Variants in CA12 observed in about 807,000 individuals in gnomAD.
CA12 encodes the protein carbonic anhydrase 12, also known as carbonate dehydratase XII.
In CA12, 36 loss-of-function variants were observed where a neutral mutation model predicts 46.8. The ratio of observed to expected loss-of-function variants is 0.77; its 90% CI spans 0.59 to 1.02. CA12 has a LOEUF of 1.02. Ranked by LOEUF, CA12 falls within the 50% of genes least tolerant of loss-of-function variation. The probability of loss-of-function intolerance (pLI) is 0.00; values close to 1 mark genes in which losing one functional copy is unlikely to be tolerated. For synonymous variants in CA12, 202 were observed against 187.0 expected (o/e 1.08, Z -0.65); for missense variants, 436 against 451.4 (o/e 0.97, Z 0.31).
intron 8 of CA12, among the ~76,000 whole-genome samples, chr15:63,335,885 C>G (rs2038996951): frequency 6.6e-6 from 1 of 152,234 alleles, no homozygotes; most frequent in Non-Finnish European, 1.5e-5. Context: ...ATGCAGCCCC[C>G]TGGGCAGATG....
intron 2 of CA12, among the ~76,000 whole-genome samples, chr15:63,349,610 T>C (rs1480354177): frequency 1.3e-5 from 2 of 152,172 alleles, no homozygotes; most frequent in Non-Finnish European, 1.5e-5. Context: ...CAAGGCAGAA[T>C]TGCACCATTT....
intron 2 of CA12, among the ~76,000 whole-genome samples, chr15:63,362,274 T>C (rs1041132730): frequency 6.6e-6 from 1 of 152,210 alleles, no homozygotes; most frequent in African/African-American, 2.4e-5. Context: ...TGAATAACAA[T>C]GCTATGATAT....
intron 2 of CA12, among the ~76,000 whole-genome samples, chr15:63,350,634 C>T (rs1452574128): frequency 1.3e-5 from 2 of 152,096 alleles, no homozygotes; most frequent in South Asian, 2.1e-4. Flanking sequence ...ATTCCTGTTT[C>T]GAAAGGTAAC....
chr15:63,333,550 C>T (rs2152611936), intron 8 of CA12, among the ~76,000 whole-genome samples: 1 of 152,312 alleles, frequency 6.6e-6, no homozygotes, highest in East Asian at 1.9e-4. Context: ...CATTTGGATC[C>T]TTTGGGAGAA....
chr15:63,370,831 T>C (rs2039495146), intron 2 of CA12, among the ~76,000 whole-genome samples: 1 of 151,978 alleles, frequency 6.6e-6, no homozygotes, highest in Non-Finnish European at 1.5e-5. Flanking sequence ...CCGGCTCTCC[T>C]GAGAGTACTT....
intron 1 of CA12, among the ~76,000 whole-genome samples, chr15:63,376,749 C>T (rs1317676169): frequency 6.6e-6 from 1 of 151,672 alleles, no homozygotes; most frequent in Non-Finnish European, 1.5e-5. Context: ...CTCAAGCAAT[C>T]CTCCCACCTC....
In CA12 at chr15:63,327,068, C is replaced by A. The variant is rs2038876459; in HGVS notation, c.992+81G>T. 3 of 1,321,868 alleles carry A rather than the reference C, an allele frequency of 2.3e-6. No individual in the cohort carries two copies. The highest frequency in any genetic ancestry group is 2.3e-5 in the East Asian group (1 of 42,908). 81.9% of individuals were successfully genotyped at this position (1,321,868 alleles called of 1,614,324 possible). ...GTCCAGGTGACTGCGGCTCTTCATG[C>A]CACAAAGCTGCCTTCCCAGGCAGAC... is the stretch of plus-strand genomic sequence containing the variant. On this transcript the variant is annotated intron_variant, in intron 10 of 10. Transcript: ENST00000178638. The surrounding 1 kb of genome is among the most constrained non-coding windows in gnomAD (Gnocchi z 4.5).
intron 2 of CA12, 118 bp from the exon 3 acceptor site, chr15:63,346,827 G>T: frequency 9.4e-6 from 11 of 1,175,640 alleles, no homozygotes; most frequent in Non-Finnish European, 1.4e-5. Context: ...ATCCCCGGAG[G>T]TAAATCTTCA....
At chr15:63,360,729 A>T (rs1019436642) in intron 2 of CA12, among the ~76,000 whole-genome samples, 3 of 152,256 alleles carry the variant, frequency 2.0e-5, no homozygotes. Flanking sequence ...CTCCTCAGGC[A>T]AGCCTTTGCT....
chr15:63,365,597 A>T (rs903597706), intron 2 of CA12, among the ~76,000 whole-genome samples: 4 of 152,242 alleles, frequency 2.6e-5, no homozygotes, highest in African/African-American at 9.6e-5. Flanking sequence ...AGCCCAGCAG[A>T]GACGGGCTTT....
chr15:63,347,168 G>A (rs1033602283), intron 2 of CA12, among the ~76,000 whole-genome samples: 1 of 152,230 alleles, frequency 6.6e-6, no homozygotes, highest in Non-Finnish European at 1.5e-5. Context: ...GCCACCCCAG[G>A]TGGGAAAAAT....
At chr15:63,352,115 G>A (rs571758101) in intron 2 of CA12, among the ~76,000 whole-genome samples, 1 of 152,332 alleles carries the variant, frequency 6.6e-6, no homozygotes, top group African/African-American at 2.4e-5. Flanking sequence ...GAGTGCAGTG[G>A]TGCAATCTCA....
intron 2 of CA12, among the ~76,000 whole-genome samples, chr15:63,365,538 C>T (rs11631047): frequency 0.26 from 39,379 of 152,182 alleles, 6,020 homozygotes; most frequent in East Asian, 0.56. Context: ...TGCCTGGGGC[C>T]CACCTAAGCA....
chr15:63,375,312 G>A (rs1265016804), intron 2 of CA12: 1 of 225,416 alleles, frequency 4.4e-6, no homozygotes, highest in African/African-American at 2.3e-5. Flanking sequence ...GTCCTGCAAG[G>A]GAGAAAGGCT....
chr15:63,331,038 G>A lies in CA12; in HGVS notation c.875-2908C>T, dbSNP rs758449002. ...AGGAATGCCGGCGAGGGTGTCACCCGATAGTTCCACCACCTCAGGAAGCCC... is the reference window on the plus strand; with the variant it reads ...AGGAATGCCGGCGAGGGTGTCACCCAATAGTTCCACCACCTCAGGAAGCCC... On this transcript the variant is annotated intron_variant, in intron 8 of 10. Coordinates refer to ENST00000178638, the MANE Select transcript of CA12 (RefSeq NM_001218.5). The surrounding 1 kb of genome is among the most constrained non-coding windows in gnomAD (Gnocchi z 5.3). Among the ~76,000 whole-genome samples, 12 of 152,210 alleles carry A rather than the reference G, an allele frequency of 7.9e-5. No homozygotes were observed. The highest frequency in any genetic ancestry group is 1.3e-4 in the Admixed American group (2 of 15,278).
intron 2 of CA12, among the ~76,000 whole-genome samples, chr15:63,350,145 C>T (rs956305234): frequency 2.0e-5 from 3 of 152,184 alleles, no homozygotes; most frequent in South Asian, 2.1e-4. Flanking sequence ...TGGGTGTCCC[C>T]GCCTTGCATA....
intron 2 of CA12, among the ~76,000 whole-genome samples, chr15:63,369,454 A>T (rs572896279): frequency 1.3e-5 from 2 of 152,330 alleles, no homozygotes; most frequent in African/African-American, 4.8e-5. Flanking sequence ...TTTGATCCTT[A>T]CCACAACCCT....
In CA12 at chr15:63,355,001, C is replaced by T. The variant is rs544897449; in HGVS notation, c.107-8292G>A. ...GGAGATGAGGTTTATTACAGGGAGG[C>T]GGGTGGGGTTTCCAGGCTGCCAAAG... On this transcript the variant is annotated intron_variant, in intron 2 of 10. Transcript: ENST00000178638. This position sits in a 1 kb window ranked among gnomAD's most constrained non-coding sequence, Gnocchi z 4.1. Among the ~76,000 whole-genome samples, 6 of 152,234 alleles carry T rather than the reference C, an allele frequency of 3.9e-5. No individual in the cohort carries two copies. The highest frequency in any genetic ancestry group is 1.3e-4 in the Admixed American group (2 of 15,288).
At position 63,348,557 on chromosome 15, in the gene CA12, G is replaced by T. The variant is rs977263710; in HGVS notation, c.107-1848C>A. Among the ~76,000 whole-genome samples, 1 of 152,202 alleles carries T rather than the reference G, an allele frequency of 6.6e-6. No individual in the cohort carries two copies. The highest frequency in any genetic ancestry group is 1.5e-5 in the Non-Finnish European group (1 of 68,036). ...CAGCCTTTTCTGTGCTCACAATACT[G>T]CCTGGGCCCACAGCCAGCAGGGCGG... On this transcript the variant is annotated intron_variant, in intron 2 of 10. Coordinates refer to ENST00000178638, the MANE Select transcript of CA12 (RefSeq NM_001218.5). The surrounding 1 kb of genome is among the most constrained non-coding windows in gnomAD (Gnocchi z 4.6).
Sources: allele counts gnomAD v4.1 joint callset (sites outside exome capture counted in the v4.1 genomes callset), GRCh38; gene constraint gnomAD v4.1.1; non-coding constraint Gnocchi (gnomAD v3.1); transcripts MANE v1.5; gene names NCBI Gene and HGNC (gene_info 2026-07-23, HGNC 2026-07-21).